PTPRD: variants seen among roughly 807,000 people sequenced by gnomAD.
PTPRD encodes receptor-type tyrosine-protein phosphatase delta.
Under a neutral mutation model 214.5 loss-of-function variants are expected in PTPRD, and 34 were observed. That is an observed-to-expected ratio of 0.16 (90% CI 0.12 to 0.21). PTPRD has a LOEUF of 0.21. Among genes scored for constraint, PTPRD ranks in the 10% least tolerant of loss-of-function variants. PTPRD has a pLI of 1.00. For missense variants in PTPRD, 2,545 were observed against 2,398.7 expected (o/e 1.06, Z -1.27); for synonymous variants, 1,128 against 845.7 (o/e 1.33, Z -5.79).
At chr9:8,821,396 C>T (rs1398051952) in intron 11 of PTPRD, among the ~76,000 whole-genome samples, 6 of 152,152 alleles carry the variant, frequency 3.9e-5, no homozygotes, top group African/African-American at 1.2e-4. Flanking sequence ...GTCTACCCCA[C>T]GCATCACTCA....
At chr9:9,565,057 C>A (rs184406264) in intron 8 of PTPRD, among the ~76,000 whole-genome samples, 1 of 151,456 alleles carries the variant, frequency 6.6e-6, no homozygotes, top group African/African-American at 2.4e-5. Flanking sequence ...CTTAATCTTA[C>A]ATAATCCCAT....
At chr9:9,687,573 T>G (rs2097187870) in intron 7 of PTPRD, among the ~76,000 whole-genome samples, 1 of 151,722 alleles carries the variant, frequency 6.6e-6, no homozygotes, top group African/African-American at 2.4e-5. Context: ...ACTTTTTACA[T>G]ATGTTACTAA....
At chr9:8,994,309 T>C (rs975675434) in intron 11 of PTPRD, among the ~76,000 whole-genome samples, 2 of 152,166 alleles carry the variant, frequency 1.3e-5, no homozygotes, top group Admixed American at 1.3e-4. Context: ...TACTATGATG[T>C]GATTTAGTTA....
chr9:8,454,869 C>G (rs1244188362), intron 33 of PTPRD, among the ~76,000 whole-genome samples: 1 of 151,446 alleles, frequency 6.6e-6, no homozygotes, highest in African/African-American at 2.4e-5. Context: ...GCACTTTTAT[C>G]CATCACCTAT....
chr9:10,231,977 AGAGAGAGAGAGAGTGT>A (rs1186124839), intron 3 of PTPRD, among the ~76,000 whole-genome samples: 2 of 121,538 alleles, frequency 1.6e-5, no homozygotes, highest in African/African-American at 7.0e-5. Context: ...AGAGAGAGAG[AGAGAGAGAGAGAGTGT>A]GTGTGTGTGT....
In PTPRD at chr9:8,560,927, T is replaced by TA. The variant is rs57799552; in HGVS notation, c.353-32149dup. 5.1e-3 allele frequency among the ~76,000 whole-genome samples: 716 copies of TA among 141,056 alleles called. 2 individuals are homozygous for TA. The highest frequency in any genetic ancestry group is 5.9e-3 in the Non-Finnish European group (375 of 63,510). The allele number at this position is 141,056 out of a possible 152,430, so 92.5% of individuals were successfully genotyped here. A position where few individuals can be genotyped will look rare whatever the true frequency, so the allele number is the denominator to read the frequency against. On this transcript the variant is annotated intron_variant, in intron 14 of 45. Coordinates refer to ENST00000381196, the MANE Select transcript of PTPRD (RefSeq NM_002839.4). ...ATAAAGATGCAGAAAGGCATTCCTTTAAAAAAAAAAAAAACACTCCGTAGA... is the reference window on the plus strand; with the variant it reads ...ATAAAGATGCAGAAAGGCATTCCTTTAAAAAAAAAAAAAAACACTCCGTAGA...
chr9:8,934,480 T>A (rs868397370), intron 11 of PTPRD, among the ~76,000 whole-genome samples: 2 of 8,068 alleles, frequency 2.5e-4, no homozygotes, highest in East Asian at 3.5e-3. Flanking sequence ...TATATATAAA[T>A]ATATATATAT....
intron 12 of PTPRD, among the ~76,000 whole-genome samples, chr9:8,720,681 T>C (rs982619966): frequency 3.3e-5 from 5 of 149,568 alleles, no homozygotes; most frequent in African/African-American, 1.3e-4. Flanking sequence ...ATTTCCAAAT[T>C]GATGTGTTTT....
In PTPRD at chr9:9,449,408, CTA is replaced by C. The variant is rs201242883; in HGVS notation, c.-236-51928_-236-51927del. Among the ~76,000 whole-genome samples, 6 of 135,796 alleles carry C rather than the reference CTA, an allele frequency of 4.4e-5. No individual in the cohort carries two copies. The East Asian group carries it at 1.0e-3, about 23-fold the overall frequency. 89.1% of individuals were successfully genotyped at this position (135,796 alleles called of 152,430 possible). ...ATAAATCAGTGAGAAATTCAAATTG[CTA>C]TATATATATTTTTAAGCTACCAGTA... On this transcript the variant is annotated intron_variant, in intron 8 of 45. Transcript: ENST00000381196.
chr9:10,152,735 G>A (rs1041268491), intron 3 of PTPRD, among the ~76,000 whole-genome samples: 1 of 152,202 alleles, frequency 6.6e-6, no homozygotes, highest in African/African-American at 2.4e-5. Flanking sequence ...TGAGGCAGGA[G>A]AATAGCTTGA....
chr9:10,559,828 T>G (rs1358620848), intron 2 of PTPRD, among the ~76,000 whole-genome samples: 3 of 152,022 alleles, frequency 2.0e-5, no homozygotes, highest in African/African-American at 7.2e-5. Flanking sequence ...TCACTGGCCA[T>G]CAGAGAAATG....
At chr9:8,845,035 T>C (rs77189930) in intron 11 of PTPRD, among the ~76,000 whole-genome samples, 12,678 of 152,166 alleles carry the variant, frequency 0.083, 572 homozygotes, top group Non-Finnish European at 0.098. Context: ...ATAATAGTGC[T>C]TTACTCAGCC....
At chr9:10,197,582 T>C (rs1286497585) in intron 3 of PTPRD, among the ~76,000 whole-genome samples, 57 of 152,152 alleles carry the variant, frequency 3.7e-4, no homozygotes, top group Admixed American at 3.7e-3. Context: ...TGTCTTTACA[T>C]TGAACAAATC....
chr9:9,192,575 ACT>A (rs1000311903), intron 9 of PTPRD, among the ~76,000 whole-genome samples: 5 of 152,102 alleles, frequency 3.3e-5, no homozygotes, highest in African/African-American at 7.2e-5. Flanking sequence ...ACTACAAAAG[ACT>A]CTGTCTCAGA....
intron 13 of PTPRD, among the ~76,000 whole-genome samples, chr9:8,636,420 T>G (rs139131184): frequency 1.3e-5 from 2 of 152,034 alleles, no homozygotes; most frequent in South Asian, 2.1e-4. Context: ...TCCTGTGAGG[T>G]TGCAGAGCTC....
intron 3 of PTPRD, among the ~76,000 whole-genome samples, chr9:10,106,731 C>T (rs544226136): frequency 2.0e-5 from 3 of 151,932 alleles, no homozygotes; most frequent in Admixed American, 6.6e-5. Context: ...ACGTGTCTTT[C>T]TCTTTCTTTT....
chr9:10,310,860 T>C (rs1251260883), intron 3 of PTPRD, among the ~76,000 whole-genome samples: 1 of 152,082 alleles, frequency 6.6e-6, no homozygotes, highest in Non-Finnish European at 1.5e-5. Flanking sequence ...ATTAATATGT[T>C]GTTACTCTGG....
At chr9:9,273,765 G>A (rs1348330852) in intron 9 of PTPRD, among the ~76,000 whole-genome samples, 1 of 151,208 alleles carries the variant, frequency 6.6e-6, no homozygotes, top group African/African-American at 2.4e-5. Context: ...TTGCACAGGT[G>A]GAAGTAAGAG....
intron 9 of PTPRD, among the ~76,000 whole-genome samples, chr9:9,287,211 C>A (rs541791762): frequency 6.6e-6 from 1 of 151,414 alleles, no homozygotes; most frequent in African/African-American, 2.4e-5. Context: ...GGCAACAGAA[C>A]AAGACTCTGT....
Sources: gnomAD v4.1 joint callset for allele counts (sites outside exome capture counted in the v4.1 genomes callset) on GRCh38, gnomAD v4.1.1 for gene constraint, MANE v1.5 for transcripts, NCBI Gene and HGNC (gene_info 2026-07-23, HGNC 2026-07-21) for gene names.